Variants in SNX3 observed in about 807,000 individuals in gnomAD.
SNX3 encodes the protein sorting nexin-3.
A neutral mutation model predicts 17.7 loss-of-function variants in SNX3; 5 were observed. That is an observed-to-expected ratio of 0.28 (90% CI 0.15 to 0.59). SNX3 has a LOEUF of 0.59. Ranked by LOEUF, SNX3 falls within the 20% of genes least tolerant of loss-of-function variation. The pLI, the probability that SNX3 is intolerant of heterozygous loss-of-function variation, is 0.88. For synonymous variants in SNX3, 91 were observed against 76.5 expected (o/e 1.19, Z -0.99); for missense variants, 132 against 206.8 (o/e 0.64, Z 2.22).
chr6:108,235,826 T>C (rs1053197390), intron 1 of SNX3, among the ~76,000 whole-genome samples: 3 of 152,040 alleles, frequency 2.0e-5, no homozygotes, highest in South Asian at 2.1e-4. Context: ...AAAGCGGAGG[T>C]TGCAGTGAGC....
At chr6:108,248,851 C>T (rs1301214476) in intron 1 of SNX3, among the ~76,000 whole-genome samples, 1 of 152,042 alleles carries the variant, frequency 6.6e-6, no homozygotes, top group Admixed American at 6.6e-5. Flanking sequence ...GCCTTAACCT[C>T]CTTGGCTCAA....
chr6:108,216,910 T>C (rs1774602208), intron 2 of SNX3, among the ~76,000 whole-genome samples: 1 of 152,234 alleles, frequency 6.6e-6, no homozygotes, highest in African/African-American at 2.4e-5. Flanking sequence ...CGTAAATTTA[T>C]GCTAGCATTC....
chr6:108,215,205 CCGGGCGTGGTGG>C (rs1283066274), intron 2 of SNX3, among the ~76,000 whole-genome samples: 1 of 152,034 alleles, frequency 6.6e-6, no homozygotes, highest in African/African-American at 2.4e-5. Flanking sequence ...AAAAAATGAG[CCGGGCGTGGTGG>C]CGGGCGCCTG....
chr6:108,255,885 A>G (rs1295578433), intron 1 of SNX3, among the ~76,000 whole-genome samples: 3 of 152,184 alleles, frequency 2.0e-5, no homozygotes, highest in Non-Finnish European at 4.4e-5. Context: ...CAAAATTTTT[A>G]TCAGCCAACG....
intron 1 of SNX3, among the ~76,000 whole-genome samples, chr6:108,245,272 C>G (rs1008674476): frequency 6.6e-6 from 1 of 152,104 alleles, no homozygotes; most frequent in African/African-American, 2.4e-5. Context: ...CATCCATGTC[C>G]CCGCAAAGGA....
At chr6:108,248,800 A>C (rs1011194287) in intron 1 of SNX3, among the ~76,000 whole-genome samples, 45 of 151,564 alleles carry the variant, frequency 3.0e-4, no homozygotes, top group Non-Finnish European at 4.1e-4. Context: ...TCACTCTGTC[A>C]CCCAGGCTGG....
intron 1 of SNX3, among the ~76,000 whole-genome samples, chr6:108,223,434 G>A (rs1158418248): frequency 2.0e-5 from 3 of 150,844 alleles, no homozygotes; most frequent in South Asian, 2.1e-4. Context: ...CACGGCACCC[G>A]GCCGAAATCA....
chr6:108,225,261 G>A (rs557244885), intron 1 of SNX3, among the ~76,000 whole-genome samples: 88 of 151,930 alleles, frequency 5.8e-4, no homozygotes, highest in Non-Finnish European at 1.1e-3. Context: ...CAGCCTGGGC[G>A]ACTGAGCGAG....
At chr6:108,236,145 G>A (rs1775322242) in intron 1 of SNX3, among the ~76,000 whole-genome samples, 1 of 151,904 alleles carries the variant, frequency 6.6e-6, no homozygotes, top group South Asian at 2.1e-4. Flanking sequence ...AGACTGAGTT[G>A]CTCTCTACAA....
chr6:108,220,327 C>T (rs913771517), intron 2 of SNX3, among the ~76,000 whole-genome samples: 2 of 152,032 alleles, frequency 1.3e-5, no homozygotes, highest in Middle Eastern at 3.4e-3. Flanking sequence ...ATGGTAAGTG[C>T]CCTATACAGG....
intron 1 of SNX3, among the ~76,000 whole-genome samples, chr6:108,230,561 A>G (rs985290047): frequency 6.6e-6 from 1 of 152,174 alleles, no homozygotes; most frequent in African/African-American, 2.4e-5. Context: ...GCCTTCATCT[A>G]TTTGTATAGG....
At chr6:108,214,729 G>C (rs1419126946) in intron 2 of SNX3, 107 bp from the exon 3 acceptor site, 9 of 1,189,992 alleles carry the variant, frequency 7.6e-6, no homozygotes, top group Non-Finnish European at 1.0e-5. Context: ...GCCATCGTCC[G>C]GTCAAACTAG....
intron 1 of SNX3, among the ~76,000 whole-genome samples, chr6:108,229,701 A>G (rs1358674830): frequency 6.6e-6 from 1 of 152,236 alleles, no homozygotes; most frequent in Non-Finnish European, 1.5e-5. Context: ...TAGCCATACT[A>G]TAAGACAGCT....
chr6:108,234,708 A>G (rs1346394280), intron 1 of SNX3, among the ~76,000 whole-genome samples: 1 of 152,086 alleles, frequency 6.6e-6, no homozygotes, highest in African/African-American at 2.4e-5. Context: ...TACAAATCTT[A>G]TTTTTATTAA....
rs1458094487 is a variant in SNX3 at position 108,228,697 on chromosome 6, C to CA, written c.163-5653dup. On this transcript the variant is annotated intron_variant, in intron 1 of 3. Coordinates refer to ENST00000230085, the MANE Select transcript of SNX3 (RefSeq NM_003795.6). Reference sequence around the variant, plus strand: ...CCTGGGTGACAGAGGGAGACGGTCTCAAAAAAAAGGGGGGCATTTTGGTGA... The same window carrying CA: ...CCTGGGTGACAGAGGGAGACGGTCTCAAAAAAAAAGGGGGGCATTTTGGTGA... Among the ~76,000 whole-genome samples, 79 of 150,982 alleles carry CA rather than the reference C, an allele frequency of 5.2e-4. No individual in the cohort carries two copies. In the East Asian group the frequency reaches 0.012, roughly 23 times the overall value.
intron 1 of SNX3, 81 bp downstream of exon 1, chr6:108,260,679 C>G: frequency 6.5e-7 from 1 of 1,528,928 alleles, no homozygotes; most frequent in South Asian, 1.1e-5. Flanking sequence ...TGGCTGCCCG[C>G]GGGGGTCCAC....
At chr6:108,228,485 G>C (rs1562425731) in intron 1 of SNX3, among the ~76,000 whole-genome samples, 2 of 152,036 alleles carry the variant, frequency 1.3e-5, no homozygotes, top group Non-Finnish European at 2.9e-5. Flanking sequence ...AGCGGAGACT[G>C]CAGTGAACCA....
At chr6:108,212,478 C>T (rs1774437139) in intron 3 of SNX3, among the ~76,000 whole-genome samples, 1 of 152,066 alleles carries the variant, frequency 6.6e-6, no homozygotes, top group Admixed American at 6.5e-5. Flanking sequence ...GCTGGGACTA[C>T]AGGCGTGTGC....
chr6:108,212,027 T>C lies in SNX3; in HGVS notation c.*122A>G, dbSNP rs1479528403. ...CCAAAACAAAACAAAACTGAGCATA[T>C]GAGTGTTAGTATACTGAAGGCATGT... On this transcript the variant is annotated 3_prime_UTR_variant, in exon 4 of 4. Transcript: ENST00000230085. 1 of 580,408 alleles carries C rather than the reference T, an allele frequency of 1.7e-6. No individual in the cohort carries two copies. The allele number at this position is 580,408 out of a possible 1,614,324, so 36.0% of individuals were successfully genotyped here.
Sources: allele counts gnomAD v4.1 joint callset (sites outside exome capture counted in the v4.1 genomes callset), GRCh38; gene constraint gnomAD v4.1.1; transcripts MANE v1.5; gene names NCBI Gene and HGNC (gene_info 2026-07-23, HGNC 2026-07-21).